Variants in REXO1 observed in about 807,000 individuals in gnomAD.
REXO1 encodes the protein RNA exonuclease 1 homolog.
Under a neutral mutation model 102.6 loss-of-function variants are expected in REXO1, and 42 were observed. That is an observed-to-expected ratio of 0.41 (90% CI 0.32 to 0.53). The LOEUF is 0.53. REXO1 is among the 20% of genes least tolerant of loss of function. REXO1 has a pLI of 0.27. For missense variants in REXO1, 1,819 were observed against 1,732.5 expected (o/e 1.05, Z -0.89); for synonymous variants, 908 against 779.1 (o/e 1.17, Z -2.76).
rs1470895533 is a variant in REXO1 at position 1,827,585 on chromosome 19, T to C, written c.1204A>G (p.Lys402Glu). The change falls in exon 2 of 16, where the codon AAG (lysine) becomes GAG (glutamate). Residue 402 changes from lysine to glutamate, a missense_variant. By Grantham distance (56) the Lys-to-Glu change is moderately conservative (BLOSUM62 1). Coordinates refer to ENST00000170168, the MANE Select transcript of REXO1 (RefSeq NM_020695.4). ...GAQGKDKTKD[K>E]GRGRPVEKPR... is the part of the protein sequence containing the mutation. ...TTCTCCACAGGCCGCCCTCGGCCCT[T>C]GTCCTTGGTCTTGTCCTTCCCCTGG... 3.8e-6 allele frequency: 6 copies of C among 1,592,826 alleles called. No homozygotes were observed. The highest frequency in any genetic ancestry group is 5.1e-6 in the Non-Finnish European group (6 of 1,176,084).
intron 1 of REXO1, among the ~76,000 whole-genome samples, chr19:1,837,680 T>C (rs2070079585): frequency 6.6e-6 from 1 of 152,190 alleles, no homozygotes; most frequent in Admixed American, 6.5e-5. Flanking sequence ...TCTACCCCAC[T>C]GCCCCCAGGG....
chr19:1,837,728 C>T (rs1274054140), intron 1 of REXO1, among the ~76,000 whole-genome samples: 1 of 152,226 alleles, frequency 6.6e-6, no homozygotes, highest in Non-Finnish European at 1.5e-5. Flanking sequence ...CGAGCCTCCC[C>T]TCTGCTCCAA....
chr19:1,831,377 G>A (rs540884143), intron 1 of REXO1, among the ~76,000 whole-genome samples: 7 of 152,216 alleles, frequency 4.6e-5, no homozygotes, highest in Admixed American at 1.3e-4. Flanking sequence ...CCTGGAGATC[G>A]ACCCCCACAG....
At chr19:1,820,421 G>C in intron 5 of REXO1, 26 bp from the exon 6 acceptor site, 1 of 1,610,872 alleles carries the variant, frequency 6.2e-7, no homozygotes, top group Non-Finnish European at 8.5e-7. Flanking sequence ...AAGCTGCCAT[G>C]GGTGAGGGCC....
chr19:1,823,531 C>A, intron 4 of REXO1, 41 bp downstream of exon 4: 1 of 1,260,852 alleles, frequency 7.9e-7, no homozygotes, highest in Non-Finnish European at 1.0e-6. Context: ...TGCCCACATG[C>A]CCACGGCCCC....
chr19:1,842,771 C>G (rs2011347832), intron 1 of REXO1, among the ~76,000 whole-genome samples: 2 of 152,250 alleles, frequency 1.3e-5, no homozygotes, highest in South Asian at 4.1e-4. Context: ...CCGGACTCGG[C>G]AAAGGAAGCC....
At position 1,823,642 on chromosome 19, in the gene REXO1, G is replaced by C; in HGVS notation, c.2160C>G (p.Pro720=). 10 of 1,305,904 alleles carry C rather than the reference G, an allele frequency of 7.7e-6. No homozygotes were observed. Among genetic ancestry groups the C allele is most frequent in the Non-Finnish European group, 9.8e-6 (10 of 1,018,988 alleles). 80.9% of individuals were successfully genotyped at this position (1,305,904 alleles called of 1,614,324 possible). A position where few individuals can be genotyped will look rare whatever the true frequency, so the allele number is the denominator to read the frequency against. Residue 720 remains proline (P), a synonymous_variant, in exon 4 of 16, where the codon CCC becomes CCG. Transcript: ENST00000170168. The part of the protein sequence containing the change: ...QAPARLAEKS[P]SVHISAPGEK... ...CGCCAGGGGCGGAAATGTGGACGGA[G>C]GGCGACTTCTCTGCCAGCCTGGCGG...
Position 1,819,956 on chromosome 19 carries a change from G to C in REXO1, c.2628C>G (p.Pro876=). Residue 876 remains proline, a synonymous_variant, in exon 7 of 16, where the codon CCC becomes CCG. Coordinates refer to ENST00000170168, the MANE Select transcript of REXO1 (RefSeq NM_020695.4). ...NTLKKLRGLA[P]SAVPGLSKTS... is the part of the protein sequence containing the mutation. ...CACTGCTGAGGCCGGGCACAGCGCT[G>C]GGGGCCAGGCCCCTGAGCTTCTTGA... The C allele has an allele frequency of 6.3e-7, 1 of 1,587,560 alleles. No homozygotes were observed. The highest frequency in any genetic ancestry group is 1.1e-5 in the South Asian group (1 of 88,194).
At chr19:1,846,292 C>T (rs1400155438) in intron 1 of REXO1, among the ~76,000 whole-genome samples, 1 of 152,186 alleles carries the variant, frequency 6.6e-6, no homozygotes, top group Admixed American at 6.5e-5. Context: ...ATGAACATGT[C>T]ACGGAGGCGG....
At chr19:1,840,251 G>A (rs575820880) in intron 1 of REXO1, among the ~76,000 whole-genome samples, 1 of 152,320 alleles carries the variant, frequency 6.6e-6, no homozygotes, top group African/African-American at 2.4e-5. Flanking sequence ...TGTCTGCAGA[G>A]ATCTGAGGAA....
rs1214165799 is a variant in REXO1 at position 1,826,575 on chromosome 19, G to A, written c.1911+303C>T. ...TGCCGGAGGTGGATTCCCCTGAGGT[G>A]GGTGGGTGGGCCAATATCCCCCTGC... On this transcript the variant is annotated intron_variant, in intron 2 of 15. Coordinates refer to ENST00000170168, the MANE Select transcript of REXO1 (RefSeq NM_020695.4). This position sits in a 1 kb window ranked among gnomAD's most constrained non-coding sequence, Gnocchi z 4.3. 6.6e-6 allele frequency among the ~76,000 whole-genome samples: 1 copy of A among 151,866 alleles called. No individual in the cohort carries two copies. The highest frequency in any genetic ancestry group is 1.5e-5 in the Non-Finnish European group (1 of 67,946).
At chr19:1,842,139 A>C (rs2011312817) in intron 1 of REXO1, among the ~76,000 whole-genome samples, 1 of 149,604 alleles carries the variant, frequency 6.7e-6, no homozygotes, top group South Asian at 2.2e-4. Context: ...TGAATCCAGG[A>C]GGCGGAGGTT....
rs1464362111 is a variant in REXO1 at position 1,828,118 on chromosome 19, T to C, written c.671A>G (p.Asp224Gly). The C allele has an allele frequency of 6.2e-7, 1 of 1,612,710 alleles. No homozygotes were observed. The highest frequency in any genetic ancestry group is 8.5e-7 in the Non-Finnish European group (1 of 1,179,842). The change falls in exon 2 of 16, where the codon GAC becomes GGC. Residue 224 changes from aspartate to glycine, a missense_variant. Coordinates refer to ENST00000170168, the MANE Select transcript of REXO1 (RefSeq NM_020695.4). ...RPVPSGKYVV[D>G]NSRPPTDLEY... ...CAGGTCTGTGGGTGGCCTGGAGTTG[T>C]CCACCACGTACTTGCCACTGGGAAC...
intron 1 of REXO1, among the ~76,000 whole-genome samples, chr19:1,828,936 T>C (rs1033820171): frequency 2.0e-5 from 3 of 152,124 alleles, no homozygotes; most frequent in African/African-American, 7.2e-5. Context: ...ACAATGACCA[T>C]GGTGGGGTGG....
intron 1 of REXO1, among the ~76,000 whole-genome samples, chr19:1,834,031 C>CG (rs1377984117): frequency 1.3e-5 from 2 of 152,010 alleles, no homozygotes; most frequent in Non-Finnish European, 2.9e-5. Flanking sequence ...GGAGGGCAGG[C>CG]GGGGGTGGAG....
chr19:1,821,770 C>G, intron 4 of REXO1, 88 bp from the exon 5 acceptor site: 1 of 1,275,744 alleles, frequency 7.8e-7, no homozygotes, highest in Non-Finnish European at 1.1e-6. Context: ...CCGCTCAGCG[C>G]CAGCAGCACG....
Position 1,827,264 on chromosome 19 carries a change from G to A in REXO1, c.1525C>T (p.Pro509Ser), listed in dbSNP as rs1296006527. Residue 509 changes from proline (P) to serine (S), a missense_variant, in exon 2 of 16, where the codon CCC becomes TCC. Transcript: ENST00000170168. Reference protein sequence around the residue: ...SLDEGASQDAPKLKKRALSHA... With the variant: ...SLDEGASQDASKLKKRALSHA... Reference sequence around the variant, plus strand: ...CTCAGGGCCCGCTTCTTCAGCTTGGGGGCGTCCTGGGAGGCGCCCTCGTCT... The same window carrying A: ...CTCAGGGCCCGCTTCTTCAGCTTGGAGGCGTCCTGGGAGGCGCCCTCGTCT... 1.7e-5 allele frequency: 27 copies of A among 1,559,074 alleles called. No individual in the cohort carries two copies. The highest frequency in any genetic ancestry group is 2.2e-5 in the Non-Finnish European group (26 of 1,159,296).
intron 1 of REXO1, among the ~76,000 whole-genome samples, chr19:1,834,334 C>CA (rs1167659315): frequency 6.6e-6 from 1 of 152,180 alleles, no homozygotes; most frequent in Non-Finnish European, 1.5e-5. Flanking sequence ...GGAGTGGAGC[C>CA]AGGCCCCCAA....
rs1209012795 is a variant in REXO1, at chr19:1,816,774, C to T, written c.3241G>A (p.Val1081Met). ...ACCACGTGCACGTCCGTGTCGACCACCGTGACGCGCGTCAGCTCCAGGCCA... is the reference window on the plus strand; with the variant it reads ...ACCACGTGCACGTCCGTGTCGACCATCGTGACGCGCGTCAGCTCCAGGCCA... ...TYGLELTRVTVVDTDVHVVYD... is the reference protein window; with the variant it reads ...TYGLELTRVTMVDTDVHVVYD... Residue 1081 changes from valine (V) to methionine (M), a missense_variant, in exon 13 of 16, where the codon GTG becomes ATG. By Grantham distance (21) the Val-to-Met change is conservative. Transcript: ENST00000170168. 6.2e-7 allele frequency: 1 copy of T among 1,612,850 alleles called. No individual in the cohort carries two copies. The highest frequency in any genetic ancestry group is 8.5e-7 in the Non-Finnish European group (1 of 1,179,966).
Sources: gnomAD v4.1 joint callset for allele counts (sites outside exome capture counted in the v4.1 genomes callset) on GRCh38, gnomAD v4.1.1 for gene constraint, Gnocchi (gnomAD v3.1) non-coding constraint, MANE v1.5 for transcripts, NCBI Gene and HGNC (gene_info 2026-07-23, HGNC 2026-07-21) for gene names.